Variants in ARPP21 observed in about 807,000 individuals in gnomAD.
The protein encoded by ARPP21 is cAMP regulated phosphoprotein 21.
Under a neutral mutation model 113.2 loss-of-function variants are expected in ARPP21, and 69 were observed. The ratio of observed to expected loss-of-function variants is 0.61; its 90% CI spans 0.50 to 0.74. The LOEUF (loss-of-function observed/expected upper bound fraction) is 0.74, where lower values mean the gene tolerates loss of function less well. Ranked by LOEUF, ARPP21 falls within the 30% of genes least tolerant of loss-of-function variation. The pLI is 0.00. For missense variants in ARPP21, 1,070 were observed against 1,037.4 expected (o/e 1.03, Z -0.43); for synonymous variants, 368 against 375.5 (o/e 0.98, Z 0.23).
chr3:35,744,863 A>C (rs983199172), intron 19 of ARPP21, among the ~76,000 whole-genome samples: 1 of 152,198 alleles, frequency 6.6e-6, no homozygotes, highest in Non-Finnish European at 1.5e-5. Flanking sequence ...AATATGTACC[A>C]TTTTTATAAC....
At position 35,744,035 on chromosome 3, in the gene ARPP21, G is replaced by A. The variant is rs184897186; in HGVS notation, c.2137+70G>A. The stretch of plus-strand genomic sequence containing the variant: ...TTGCTGGTGAATCTTGTACTCTTTG[G>A]ATGAGTGTCCAAGCTTGGCAATTTA... On this transcript the variant is annotated intron_variant, in intron 19 of 20. Transcript: ENST00000684406. 1.4e-5 allele frequency: 22 copies of A among 1,538,774 alleles called. No homozygotes were observed. In the African/African-American group the frequency reaches 2.6e-4, roughly 18 times the overall value.
intron 19 of ARPP21, among the ~76,000 whole-genome samples, chr3:35,768,867 A>G (rs2096084069): frequency 6.6e-6 from 1 of 152,192 alleles, no homozygotes; most frequent in Non-Finnish European, 1.5e-5. Context: ...TAAATCCTAA[A>G]TTCACTTTAC....
intron 10 of ARPP21, chr3:35,707,499 C>T (rs571313136): frequency 2.4e-5 from 11 of 461,090 alleles, no homozygotes; most frequent in East Asian, 6.9e-5. Flanking sequence ...CAATACGGAC[C>T]GATGATCAAC....
At chr3:35,660,547 G>T (rs1186660668) in intron 1 of ARPP21, among the ~76,000 whole-genome samples, 3 of 152,168 alleles carry the variant, frequency 2.0e-5, no homozygotes, top group African/African-American at 7.2e-5. Context: ...TTGGAGAAAG[G>T]TCTGGAAAAG....
At position 35,694,007 on chromosome 3, in the gene ARPP21, A is replaced by G. The variant is rs576315640; in HGVS notation, c.686+3002A>G. ...GTAGAGGGAAAAAAAACTTCCTTTT[A>G]TATTGTTCTTCTTCAGTGACACTTC... On this transcript the variant is annotated intron_variant, in intron 9 of 20. Transcript: ENST00000684406. Among the ~76,000 whole-genome samples, 18 of 151,644 alleles carry G rather than the reference A, an allele frequency of 1.2e-4. No individual in the cohort carries two copies. In the South Asian group the frequency reaches 3.7e-3, roughly 31 times the overall value.
chr3:35,772,822 T>C (rs1438905114), intron 19 of ARPP21, among the ~76,000 whole-genome samples: 2 of 152,186 alleles, frequency 1.3e-5, no homozygotes, highest in African/African-American at 2.4e-5. Flanking sequence ...CTTGCCTGGG[T>C]TGATGCATTG....
rs143410250 is a variant in ARPP21, at chr3:35,714,110, A to C, written c.898-1329A>C. Reference sequence around the variant, plus strand: ...TTCATATATAAATGTCAAGTTTTTTAAAAAAGCTATTCTCTGAAAAGCTTT... The same window carrying C: ...TTCATATATAAATGTCAAGTTTTTTCAAAAAGCTATTCTCTGAAAAGCTTT... On this transcript the variant is annotated intron_variant, in intron 11 of 20. Transcript: ENST00000684406. Among the ~76,000 whole-genome samples, 370 of 152,326 alleles carry C rather than the reference A, an allele frequency of 2.4e-3. 9 individuals are homozygous for C. In the East Asian group the frequency reaches 0.034, roughly 14 times the overall value.
rs2095483600 is a variant in ARPP21, at chr3:35,753,860, T to G, written c.2137+9895T>G. Among the ~76,000 whole-genome samples, 4 of 152,108 alleles carry G rather than the reference T, an allele frequency of 2.6e-5. No homozygotes were observed. In the South Asian group the frequency reaches 8.3e-4, roughly 32 times the overall value. On this transcript the variant is annotated intron_variant, in intron 19 of 20. Transcript: ENST00000684406. ...TGGGATGGGGCAAAATGTACCTTAA[T>G]GGAATTTACAAATTTATTTAACCAA... is the stretch of plus-strand genomic sequence containing the variant.
chr3:35,715,178 T>C (rs2092181326), intron 11 of ARPP21: 1 of 347,706 alleles, frequency 2.9e-6, no homozygotes, highest in Non-Finnish European at 5.3e-6. Flanking sequence ...TTCACATTTC[T>C]CTTCTTCTGA....
rs1262199513 is a variant in ARPP21, at chr3:35,667,891, G to GAAGAAGAAGAAGAA, written c.-212-11896_-212-11895insAAGAAGAAGAAGAA. Among the ~76,000 whole-genome samples the GAAGAAGAAGAAGAA allele has an allele frequency of 6.8e-3, 482 of 71,090 alleles. 6 individuals are homozygous for GAAGAAGAAGAAGAA. Among genetic ancestry groups the GAAGAAGAAGAAGAA allele is most frequent in the South Asian group, 0.011 (22 of 2,020 alleles). 46.6% of individuals were successfully genotyped at this position (71,090 alleles called of 152,430 possible). A position where few individuals can be genotyped will look rare whatever the true frequency, so the allele number is the denominator to read the frequency against. ...AAGAAGAAGAAGAAGAAGAAGAAGA[G>GAAGAAGAAGAAGAA]GAAGAGGAAGAGGAAGAGGAAGGAG... On this transcript the variant is annotated intron_variant, in intron 1 of 20. Transcript: ENST00000684406.
chr3:35,754,303 G>A (rs866295425), intron 19 of ARPP21, among the ~76,000 whole-genome samples: 23 of 152,048 alleles, frequency 1.5e-4, no homozygotes, highest in South Asian at 1.2e-3. Context: ...ACTAAGAGAA[G>A]CAATGCAAAA....
chr3:35,681,446 T>G, intron 2 of ARPP21: 1 of 252,644 alleles, frequency 4.0e-6, no homozygotes, highest in Non-Finnish European at 7.7e-6. Flanking sequence ...GGTAGTTGTG[T>G]GGGAGTTATG....
intron 1 of ARPP21, among the ~76,000 whole-genome samples, chr3:35,643,182 C>G (rs1245321470): frequency 6.6e-6 from 1 of 151,944 alleles, no homozygotes; most frequent in Non-Finnish European, 1.5e-5. Flanking sequence ...CAGAGTAAAG[C>G]TAATTAGACA....
At chr3:35,674,231 G>C (rs1244110266) in intron 1 of ARPP21, among the ~76,000 whole-genome samples, 1 of 151,850 alleles carries the variant, frequency 6.6e-6, no homozygotes, top group African/African-American at 2.4e-5. Context: ...CTTGATATAG[G>C]AGATCATAGA....
intron 19 of ARPP21, among the ~76,000 whole-genome samples, chr3:35,780,867 A>G (rs1232921759): frequency 6.6e-6 from 1 of 152,044 alleles, no homozygotes; most frequent in Non-Finnish European, 1.5e-5. Context: ...TTTCAGCTGG[A>G]TGGGGAAGCA....
chr3:35,740,527 T>C (rs1180829804), intron 18 of ARPP21, among the ~76,000 whole-genome samples: 1 of 152,230 alleles, frequency 6.6e-6, no homozygotes, highest in Non-Finnish European at 1.5e-5. Flanking sequence ...TTTTGAGTGA[T>C]TAATTAATAG....
At chr3:35,735,499 G>C (rs962180117) in intron 15 of ARPP21, among the ~76,000 whole-genome samples, 1 of 152,184 alleles carries the variant, frequency 6.6e-6, no homozygotes, top group Non-Finnish European at 1.5e-5. Context: ...TAAGGCTGTT[G>C]TTCTTTCCTC....
intron 19 of ARPP21, among the ~76,000 whole-genome samples, chr3:35,748,090 G>GAAAA (rs747514019): frequency 8.3e-6 from 1 of 120,322 alleles, no homozygotes; most frequent in African/African-American, 3.3e-5. Flanking sequence ...AAGAAAGAAA[G>GAAAA]AAAGAAAGAA....
rs546127066 is a variant in ARPP21 at position 35,761,954 on chromosome 3, C to T, written c.2137+17989C>T. 6.6e-5 allele frequency among the ~76,000 whole-genome samples: 10 copies of T among 152,146 alleles called. No individual in the cohort carries two copies. In the South Asian group the frequency reaches 1.9e-3, roughly 28 times the overall value. On this transcript the variant is annotated intron_variant, in intron 19 of 20. Coordinates refer to ENST00000684406, the MANE Select transcript of ARPP21 (RefSeq NM_001385562.1). ...GACTGGCATCATTCCACACTGAAAC[C>T]GTTGATGCCATCCATCCATGAGTCC...
Sources: gnomAD v4.1 joint callset for allele counts (sites outside exome capture counted in the v4.1 genomes callset) on GRCh38, gnomAD v4.1.1 for gene constraint, MANE v1.5 for transcripts, NCBI Gene and HGNC (gene_info 2026-07-23, HGNC 2026-07-21) for gene names.